Variants in HDAC9 observed in about 807,000 individuals in gnomAD.
The protein encoded by HDAC9 is histone deacetylase 9, also known as MEF-2 interacting transcription repressor (MITR) protein.
Under a neutral mutation model 139.4 loss-of-function variants are expected in HDAC9, and 41 were observed. The ratio of observed to expected loss-of-function variants is 0.29; its 90% CI spans 0.23 to 0.38. The LOEUF (loss-of-function observed/expected upper bound fraction) is 0.38. Among genes scored for constraint, HDAC9 ranks in the 10% least tolerant of loss-of-function variants. The pLI, the probability that HDAC9 is intolerant of heterozygous loss-of-function variation, is 1.00. For missense variants in HDAC9, 1,147 were observed against 1,297.0 expected (o/e 0.88, Z 1.78); for synonymous variants, 517 against 476.2 (o/e 1.09, Z -1.12).
At chr7:18,867,644 T>C (rs1798594853) in intron 21 of HDAC9, among the ~76,000 whole-genome samples, 1 of 152,114 alleles carries the variant, frequency 6.6e-6, no homozygotes, top group South Asian at 2.1e-4. Flanking sequence ...CTGACAAGTG[T>C]GTATTTTTTA....
At chr7:18,969,850 T>G (rs956968627) in intron 24 of HDAC9, among the ~76,000 whole-genome samples, 3 of 152,194 alleles carry the variant, frequency 2.0e-5, no homozygotes, top group Admixed American at 6.5e-5. Context: ...ATTTAACTTA[T>G]TTGTGTTACA....
chr7:18,791,834 G>T (rs1318024825), intron 16 of HDAC9, among the ~76,000 whole-genome samples: 1 of 152,168 alleles, frequency 6.6e-6, no homozygotes, highest in East Asian at 1.9e-4. Flanking sequence ...GTAGTAGCTA[G>T]CTTTTGTTTA....
chr7:18,712,407 A>T (rs7811778), intron 12 of HDAC9, among the ~76,000 whole-genome samples: 1,705 of 152,322 alleles, frequency 0.011, 28 homozygotes, highest in African/African-American at 0.039. Context: ...GCTATTGTAG[A>T]ATGCCATAGT....
At position 18,702,302 on chromosome 7, in the gene HDAC9, G is replaced by A. The variant is rs1783557083; in HGVS notation, c.1732-25278G>A. Among the ~76,000 whole-genome samples the A allele has an allele frequency of 1.3e-5, 2 of 152,114 alleles. 1 individual carries two copies. Among genetic ancestry groups the A allele is most frequent in the South Asian group, 4.1e-4 (2 of 4,824 alleles). On this transcript the variant is annotated intron_variant, in intron 12 of 25. Transcript: ENST00000686413. ...CTAGTGCTTATTATCATACTTCAAG[G>A]AAAAGGCACTTGGGGGCCGTAAGGA...
At chr7:18,919,849 G>A (rs1315153256) in intron 22 of HDAC9, among the ~76,000 whole-genome samples, 1 of 152,008 alleles carries the variant, frequency 6.6e-6, no homozygotes, top group African/African-American at 2.4e-5. Flanking sequence ...CTGTTCCATG[G>A]GTCTATATCT....
chr7:18,203,339 G>A (rs1320127549), intron 2 of HDAC9, among the ~76,000 whole-genome samples: 5 of 152,132 alleles, frequency 3.3e-5, no homozygotes, highest in African/African-American at 9.7e-5. Flanking sequence ...TACTGGCACC[G>A]ATTTTGGCAT....
intron 2 of HDAC9, among the ~76,000 whole-genome samples, chr7:18,183,144 G>C (rs941045448): frequency 2.6e-5 from 4 of 151,954 alleles, no homozygotes; most frequent in African/African-American, 9.7e-5. Context: ...CGAGTAGCTG[G>C]GACTACAGGT....
At chr7:18,802,084 A>T (rs1585062211) in intron 17 of HDAC9, among the ~76,000 whole-genome samples, 3 of 151,724 alleles carry the variant, frequency 2.0e-5, no homozygotes, top group East Asian at 3.9e-4. Flanking sequence ...GGGGGAGGTC[A>T]TATATTTCTT....
At chr7:18,761,635 C>T (rs1437815618) in intron 14 of HDAC9, among the ~76,000 whole-genome samples, 3 of 152,110 alleles carry the variant, frequency 2.0e-5, no homozygotes, top group Non-Finnish European at 4.4e-5. Context: ...TCCCATGGGA[C>T]ACAGTTTGAG....
At chr7:18,794,659 A>G (rs1792625015) in intron 17 of HDAC9, among the ~76,000 whole-genome samples, 1 of 152,228 alleles carries the variant, frequency 6.6e-6, no homozygotes, top group Non-Finnish European at 1.5e-5. Context: ...AAAAGAGGAA[A>G]GGAATCAGCC....
intron 1 of HDAC9, among the ~76,000 whole-genome samples, chr7:18,089,327 G>A (rs1366348608): frequency 1.3e-5 from 2 of 152,108 alleles, no homozygotes; most frequent in African/African-American, 2.4e-5. Flanking sequence ...GCACATTAAA[G>A]TGCTGTCTTT....
intron 11 of HDAC9, among the ~76,000 whole-genome samples, chr7:18,659,126 T>C (rs750214892): frequency 3.0e-4 from 45 of 152,134 alleles, no homozygotes; most frequent in Non-Finnish European, 3.8e-4. Flanking sequence ...ATCCTGTTCT[T>C]AGTTGATATT....
intron 1 of HDAC9, among the ~76,000 whole-genome samples, chr7:18,090,887 T>C (rs1404220427): frequency 1.3e-5 from 2 of 152,298 alleles, no homozygotes; most frequent in South Asian, 2.1e-4. Context: ...AACTTGTTCT[T>C]TTTCTTCATC....
rs548064485 is a variant in HDAC9 at position 18,502,883 on chromosome 7, C to T, written c.22+6559C>T. 4.1e-3 allele frequency among the ~76,000 whole-genome samples: 621 copies of T among 151,828 alleles called. 2 individuals are homozygous for T. The highest frequency in any genetic ancestry group is 6.8e-3 in the Middle Eastern group (2 of 294). ...TAGAGTATTCCTTTAATGTTGGCTT[C>T]GAGGCACACAAAATTTTTTTTGAGA... On this transcript the variant is annotated intron_variant, in intron 2 of 25. Transcript: ENST00000686413.
At chr7:18,870,438 A>G (rs1027191783) in intron 21 of HDAC9, among the ~76,000 whole-genome samples, 3 of 152,186 alleles carry the variant, frequency 2.0e-5, no homozygotes, top group African/African-American at 7.2e-5. Flanking sequence ...ATATGTTTTT[A>G]GTAAAAACGC....
rs555965084 is a variant in HDAC9 at position 18,696,670 on chromosome 7, A to G, written c.1731+30194A>G. The stretch of plus-strand genomic sequence containing the variant: ...TTTTTAGTAGAGACAGGGTTTCACA[A>G]TGTTGGCCAGGATGGTCTCCATCTC... On this transcript the variant is annotated intron_variant, in intron 12 of 25. Transcript: ENST00000686413. Among the ~76,000 whole-genome samples the G allele has an allele frequency of 5.3e-5, 8 of 152,142 alleles. No individual in the cohort carries two copies. In the South Asian group the frequency reaches 6.2e-4, roughly 12 times the overall value.
At chr7:18,987,134 C>T (rs1439835512) in intron 25 of HDAC9, among the ~76,000 whole-genome samples, 4 of 152,340 alleles carry the variant, frequency 2.6e-5, no homozygotes, top group Admixed American at 6.5e-5. Flanking sequence ...GAGGGCATCC[C>T]TGGCTTGTGC....
rs149670470 is a variant in HDAC9, at chr7:18,998,559, G to A, written c.*2497G>A. On this transcript the variant is annotated 3_prime_UTR_variant, in exon 26 of 26. Transcript: ENST00000686413. ...CTTTTTGATTATACCATTACAAGATGGAGCATAGCCCTGAGGGACAGAATG... is the reference window on the plus strand; with the variant it reads ...CTTTTTGATTATACCATTACAAGATAGAGCATAGCCCTGAGGGACAGAATG... 6.6e-5 allele frequency: 10 copies of A among 152,322 alleles called. No individual in the cohort carries two copies. In the East Asian group the frequency reaches 1.2e-3, roughly 18 times the overall value. 9.4% of individuals were successfully genotyped at this position (152,322 alleles called of 1,614,324 possible).
At chr7:18,922,109 A>G (rs890360796) in intron 22 of HDAC9, among the ~76,000 whole-genome samples, 23 of 151,462 alleles carry the variant, frequency 1.5e-4, no homozygotes, top group Non-Finnish European at 3.1e-4. Context: ...GGATAGCATT[A>G]GGAGATATAC....
Sources: allele counts gnomAD v4.1 joint callset (sites outside exome capture counted in the v4.1 genomes callset), GRCh38; gene constraint gnomAD v4.1.1; transcripts MANE v1.5; gene names NCBI Gene and HGNC (gene_info 2026-07-23, HGNC 2026-07-21).